DRICH1: variants seen among roughly 807,000 people sequenced by gnomAD.
DRICH1 encodes aspartate rich 1.
DRICH1 carries 38 observed loss-of-function variants against 39.5 expected under a neutral mutation model. The observed-to-expected ratio is 0.96, with a 90% CI of 0.74 to 1.26. The LOEUF (loss-of-function observed/expected upper bound fraction) is 1.26, where lower values mean the gene tolerates loss of function less well. DRICH1 is among the 50% of genes most tolerant of loss of function. DRICH1 has a pLI of 0.00. For missense variants in DRICH1, 279 were observed against 270.4 expected, an observed-to-expected ratio of 1.03 and a Z score of -0.22; for synonymous variants, 84 against 99.5, an observed-to-expected ratio of 0.84 and a Z score of 0.93.
At chr22:23,596,553 C>A in the DRICH1 span, among the ~76,000 whole-genome samples, 31 of 152,202 alleles carry the variant, frequency 2.0e-4, no homozygotes, top group Non-Finnish European at 3.8e-4. Flanking sequence ...CTCACAGCCT[C>A]CTACAAGTTT....
downstream of DRICH1, among the ~76,000 whole-genome samples, chr22:23,603,593 C>A (rs1926582018): frequency 1.3e-5 from 2 of 152,086 alleles, no homozygotes. Flanking sequence ...CCCCCAGGAG[C>A]TCCCCGCCAC....
At chr22:23,628,410 T>C (rs1928197054) in intron 1 of DRICH1, among the ~76,000 whole-genome samples, 1 of 149,916 alleles carries the variant, frequency 6.7e-6, no homozygotes, top group Non-Finnish European at 1.5e-5. Flanking sequence ...CTGCTACAAA[T>C]ATAAAAATTA....
At chr22:23,607,546 G>GA (rs199626074), downstream of DRICH1, among the ~76,000 whole-genome samples, 29 of 150,656 alleles carry the variant, frequency 1.9e-4, no homozygotes, top group Non-Finnish European at 3.9e-4. Context: ...GGCGGGGGGG[G>GA]GCCTCTTGCC....
chr22:23,631,553 T>A (rs1928388389), intron 1 of DRICH1, among the ~76,000 whole-genome samples: 1 of 152,144 alleles, frequency 6.6e-6, no homozygotes. Context: ...TAGGTGAGGC[T>A]AGAGAATGGG....
At chr22:23,592,152 G>A in the DRICH1 span, among the ~76,000 whole-genome samples, 2 of 152,342 alleles carry the variant, frequency 1.3e-5, no homozygotes, top group South Asian at 4.1e-4. Context: ...GATCAGGAAG[G>A]GCCTGCAGGC....
intron 1 of DRICH1, chr22:23,631,060 C>T (rs1157247944): frequency 2.6e-5 from 4 of 152,108 alleles, no homozygotes; most frequent in Admixed American, 6.6e-5. Context: ...AGCAAACCAC[C>T]ATGGCACACT....
the DRICH1 span, among the ~76,000 whole-genome samples, chr22:23,591,337 A>G: frequency 6.6e-6 from 1 of 152,110 alleles, no homozygotes; most frequent in East Asian, 1.9e-4. Flanking sequence ...ACTCTCAAGG[A>G]CTGCACTGGA....
chr22:23,590,611 T>C, the DRICH1 span, among the ~76,000 whole-genome samples: 52 of 151,650 alleles, frequency 3.4e-4, 1 homozygote, highest in African/African-American at 1.2e-3. Context: ...CATTCTTTTT[T>C]GTTTTGAGAT....
chr22:23,624,740 C>T, intron 3 of DRICH1, 143 bp downstream of exon 3: 2 of 1,074,126 alleles, frequency 1.9e-6, no homozygotes, highest in South Asian at 1.3e-5. Flanking sequence ...TCTACATCCT[C>T]TCTGCTCATA....
chr22:23,631,117 C>T (rs1211457797), intron 1 of DRICH1, among the ~76,000 whole-genome samples: 3 of 151,956 alleles, frequency 2.0e-5, no homozygotes, highest in African/African-American at 7.3e-5. Context: ...TACCTCGGAA[C>T]TTAAAAAAAA....
At position 23,617,594 on chromosome 22, in the gene DRICH1, T is replaced by A. The variant is rs1187176316; in HGVS notation, c.500A>T (p.Asp167Val). 3.1e-6 allele frequency: 5 copies of A among 1,613,976 alleles called. No homozygotes were observed. Among genetic ancestry groups the A allele is most frequent in the Non-Finnish European group, 3.4e-6 (4 of 1,180,002 alleles). ...LPRSEDDDCD[D>V]DDDDAQILPS... ...TCTTACCTGGGCATCATCATCATCA[T>A]CATCACAGTCATCATCTTCACTTCG... The change falls in exon 7 of 12, where the codon GAT (aspartate) becomes GTT (valine). Residue 167 changes from aspartate to valine, a missense_variant. Coordinates refer to ENST00000317749, the MANE Select transcript of DRICH1 (RefSeq NM_016449.4).
chr22:23,619,220 T>C, intron 6 of DRICH1, 144 bp downstream of exon 6: 2 of 608,652 alleles, frequency 3.3e-6, no homozygotes, highest in Non-Finnish European at 5.9e-6. Context: ...ATATTAGTCA[T>C]GTTAAATCTA....
intron 4 of DRICH1, among the ~76,000 whole-genome samples, chr22:23,621,468 C>T (rs1927725765): frequency 6.6e-6 from 1 of 151,840 alleles, no homozygotes; most frequent in Non-Finnish European, 1.5e-5. Context: ...ATATGTGACA[C>T]CCACGAAGAT....
In DRICH1 at chr22:23,611,234, G is replaced by A. The variant is rs535377484; in HGVS notation, c.685+2055C>T. ...GCGTTAAAGAGATCCAGCTCTTGGC[G>A]TGTCTCCTGAGTAATTTACTTAACT... On this transcript the variant is annotated intron_variant, in intron 11 of 11. Coordinates refer to ENST00000317749, the MANE Select transcript of DRICH1 (RefSeq NM_016449.4). Among the ~76,000 whole-genome samples the A allele has an allele frequency of 3.3e-4, 51 of 152,242 alleles. No homozygotes were observed. The South Asian group carries it at 9.1e-3, about 27-fold the overall frequency.
chr22:23,631,415 A>AAAATAAAT (rs144088461), intron 1 of DRICH1, among the ~76,000 whole-genome samples: 55 of 149,132 alleles, frequency 3.7e-4, no homozygotes, highest in South Asian at 1.9e-3. Flanking sequence ...GACTCCATCT[A>AAAATAAAT]AAATAAATAA....
the DRICH1 span, among the ~76,000 whole-genome samples, chr22:23,584,689 G>T: frequency 6.6e-6 from 1 of 152,222 alleles, no homozygotes; most frequent in Admixed American, 6.5e-5. Context: ...ACTTGGCAGG[G>T]CCACAGTGCC....
chr22:23,584,880 T>C, the DRICH1 span, among the ~76,000 whole-genome samples: 2,771 of 152,236 alleles, frequency 0.018, 46 homozygotes, highest in Non-Finnish European at 0.028. Context: ...CACTGCAGCC[T>C]CAACCTCCAG....
intron 1 of DRICH1, among the ~76,000 whole-genome samples, chr22:23,628,282 G>A (rs989473724): frequency 2.6e-5 from 4 of 152,032 alleles, no homozygotes; most frequent in East Asian, 1.9e-4. Context: ...TGATACACAC[G>A]TCAGCCAGGC....
At chr22:23,616,410 C>T (rs1160581942) in intron 8 of DRICH1, among the ~76,000 whole-genome samples, 1 of 152,170 alleles carries the variant, frequency 6.6e-6, no homozygotes, top group African/African-American at 2.4e-5. Flanking sequence ...AAAGAACAAA[C>T]TTGACCTATA....
Sources: gnomAD v4.1 joint callset for allele counts (sites outside exome capture counted in the v4.1 genomes callset) on GRCh38, gnomAD v4.1.1 for gene constraint, MANE v1.5 for transcripts, NCBI Gene and HGNC (gene_info 2026-07-23, HGNC 2026-07-21) for gene names.